The following LMX1B variants were observed in gnomAD, a reference collection of about 807,000 sequenced individuals.
LMX1B encodes the protein LIM homeobox transcription factor 1-beta.
In LMX1B, 12 loss-of-function variants were observed where a neutral mutation model predicts 51.4. The observed-to-expected ratio is 0.23, with a 90% CI of 0.15 to 0.38. LMX1B has a LOEUF of 0.38. Among genes scored for constraint, LMX1B ranks in the 10% least tolerant of loss-of-function variants. The probability of loss-of-function intolerance (pLI) is 1.00; values close to 1 mark genes in which losing one functional copy is unlikely to be tolerated. For synonymous variants in LMX1B, 237 were observed against 235.4 expected (o/e 1.01, Z -0.06); for missense variants, 445 against 571.1 (o/e 0.78, Z 2.25).
At chr9:126,682,095 T>TTTTTTTTTTTTC (rs1836687026) in intron 2 of LMX1B, among the ~76,000 whole-genome samples, 1 of 139,040 alleles carries the variant, frequency 7.2e-6, no homozygotes, top group Admixed American at 7.2e-5. Context: ...TTTTTTTTTT[T>TTTTTTTTTTTTC]TTTTTTTTTT....
rs1377719545 is a variant in LMX1B, at chr9:126,615,436, G to A, written c.193G>A (p.Asp65Asn). ...CGAGGGCTGCCAGCGGCCCATCTCC[G>A]ACCGCTTCCTGATGCGAGTCAACGA... ...VCEGCQRPIS[D>N]RFLMRVNESS... The change falls in exon 2 of 8, where the codon GAC (aspartate) becomes AAC (asparagine). Residue 65 changes from aspartate (D) to asparagine (N), a missense_variant. Physicochemically the swap from Asp to Asn is conservative, Grantham distance 23 (BLOSUM62 1). Transcript: ENST00000373474. This position sits in a 1 kb window ranked among gnomAD's most constrained non-coding sequence, Gnocchi z 6.0. 6.2e-7 allele frequency: 1 copy of A among 1,608,870 alleles called. No individual in the cohort carries two copies. The highest frequency in any genetic ancestry group is 8.5e-7 in the Non-Finnish European group (1 of 1,177,948).
Position 126,690,845 on chromosome 9 carries a change from G to T in LMX1B, c.336G>T (p.Ala112=), listed in dbSNP as rs144043214. 8.7e-6 allele frequency: 14 copies of T among 1,610,316 alleles called. No individual in the cohort carries two copies. Among genetic ancestry groups the T allele is most frequent in the Non-Finnish European group, 1.2e-5 (14 of 1,179,242 alleles). ...YCKQDYQQLF[A]AKCSGCMEKI... The stretch of plus-strand genomic sequence containing the variant: ...CTTTGTGCATCCGCAGGCTCTTCGC[G>T]GCCAAGTGCAGCGGCTGCATGGAGA... Residue 112 remains alanine (A), a synonymous_variant, in exon 3 of 8, where the codon GCG becomes GCT. Coordinates refer to ENST00000373474, the MANE Select transcript of LMX1B (RefSeq NM_001174147.2).
chr9:126,650,599 G>A (rs964892155), intron 2 of LMX1B, among the ~76,000 whole-genome samples: 5 of 152,232 alleles, frequency 3.3e-5, no homozygotes, highest in African/African-American at 1.2e-4. Context: ...GGAGGGCAGC[G>A]GGAAAGCCCC....
At chr9:126,693,483 G>T (rs1322783192) in intron 4 of LMX1B, 41 bp from the exon 5 acceptor site, 1 of 1,605,044 alleles carries the variant, frequency 6.2e-7, no homozygotes, top group East Asian at 2.2e-5. Flanking sequence ...CCCCGTTGCT[G>T]CCCCTGGAGG....
chr9:126,682,083 C>CTTTTTTTTTT (rs71377953), intron 2 of LMX1B, among the ~76,000 whole-genome samples: 7 of 53,372 alleles, frequency 1.3e-4, no homozygotes, highest in African/African-American at 2.6e-4. Flanking sequence ...TCCCCAGGGT[C>CTTTTTTTTTT]TTTTTTTTTT....
chr9:126,669,246 A>C (rs972982789), intron 2 of LMX1B, among the ~76,000 whole-genome samples: 11 of 144,088 alleles, frequency 7.6e-5, no homozygotes, highest in Non-Finnish European at 1.5e-4. Flanking sequence ...GGCCGCGAGG[A>C]GGGTGGAGAC....
At chr9:126,693,928 G>A in intron 6 of LMX1B, 116 bp downstream of exon 6, 2 of 634,884 alleles carry the variant, frequency 3.2e-6, no homozygotes, top group Non-Finnish European at 5.6e-6. Context: ...CTGGGCCAGG[G>A]CTGGGACCGG....
At chr9:126,642,445 C>G (rs886593902) in intron 2 of LMX1B, among the ~76,000 whole-genome samples, 1 of 152,196 alleles carries the variant, frequency 6.6e-6, no homozygotes, top group Non-Finnish European at 1.5e-5. Context: ...TCCCACTTCC[C>G]CTGTCTACAC....
intron 2 of LMX1B, among the ~76,000 whole-genome samples, chr9:126,628,444 G>C (rs1386199137): frequency 6.6e-6 from 1 of 152,204 alleles, no homozygotes; most frequent in Non-Finnish European, 1.5e-5. Context: ...ATTCGGAAAA[G>C]GTCCCCAAAT....
At chr9:126,675,733 A>AT (rs1384229492) in intron 2 of LMX1B, among the ~76,000 whole-genome samples, 3 of 134,312 alleles carry the variant, frequency 2.2e-5, no homozygotes, top group Non-Finnish European at 3.1e-5. Flanking sequence ...CAAAAAAAAA[A>AT]TTAAAAAAAA....
chr9:126,637,104 G>A (rs1381431373), intron 2 of LMX1B, among the ~76,000 whole-genome samples: 1 of 152,244 alleles, frequency 6.6e-6, no homozygotes, highest in Non-Finnish European at 1.5e-5. Flanking sequence ...ATCAGTCAGG[G>A]AGTTATCGCT....
chr9:126,639,391 G>A (rs916730863), intron 2 of LMX1B, among the ~76,000 whole-genome samples: 4 of 152,190 alleles, frequency 2.6e-5, no homozygotes, highest in South Asian at 2.1e-4. Context: ...TTCTCCAGGG[G>A]CCTCGAACAA....
intron 2 of LMX1B, among the ~76,000 whole-genome samples, chr9:126,621,596 C>T (rs1835410012): frequency 6.7e-6 from 1 of 150,124 alleles, no homozygotes; most frequent in Non-Finnish European, 1.5e-5. Context: ...CATTTGATGC[C>T]AAAAGCAACA....
Position 126,614,309 on chromosome 9 carries a change from A to C in LMX1B, c.-141A>C. On this transcript the variant is annotated 5_prime_UTR_variant, in exon 1 of 8. Coordinates refer to ENST00000373474, the MANE Select transcript of LMX1B (RefSeq NM_001174147.2). ...CCCGGGGCCAGCGCGTCGCCGCTCCACGATCGCCGGGGGCCGGCGCAACCC... is the reference window on the plus strand; with the variant it reads ...CCCGGGGCCAGCGCGTCGCCGCTCCCCGATCGCCGGGGGCCGGCGCAACCC... 12 of 375,128 alleles carry C rather than the reference A, an allele frequency of 3.2e-5. No individual in the cohort carries two copies. Among genetic ancestry groups the C allele is most frequent in the Non-Finnish European group, 4.0e-5 (11 of 275,640 alleles). The allele number at this position is 375,128 out of a possible 1,614,324, so 23.2% of individuals were successfully genotyped here.
In LMX1B at chr9:126,625,327, C is replaced by G. The variant is rs1448707559; in HGVS notation, c.326+9758C>G. On this transcript the variant is annotated intron_variant, in intron 2 of 7. Coordinates refer to ENST00000373474, the MANE Select transcript of LMX1B (RefSeq NM_001174147.2). This position sits in a 1 kb window ranked among gnomAD's most constrained non-coding sequence, Gnocchi z 5.3. The stretch of plus-strand genomic sequence containing the variant: ...ATTGGCAGCGTCTGGAAAATGGGGA[C>G]AGTGACCCCACGACTAGAGGATGAA... Among the ~76,000 whole-genome samples, 1 of 152,146 alleles carries G rather than the reference C, an allele frequency of 6.6e-6. No individual in the cohort carries two copies. The highest frequency in any genetic ancestry group is 1.5e-5 in the Non-Finnish European group (1 of 68,032).
intron 2 of LMX1B, among the ~76,000 whole-genome samples, chr9:126,636,349 C>T (rs1490129173): frequency 6.6e-6 from 1 of 152,000 alleles, no homozygotes; most frequent in African/African-American, 2.4e-5. Context: ...AAGCTGAGAG[C>T]AGAGGAATTA....
Position 126,667,242 on chromosome 9 carries a change from A to G in LMX1B, c.327-23594A>G, listed in dbSNP as rs546594348. 2.6e-5 allele frequency among the ~76,000 whole-genome samples: 4 copies of G among 152,268 alleles called. No individual in the cohort carries two copies. In the East Asian group the frequency reaches 7.7e-4, roughly 29 times the overall value. ...ATTTCCTCTAACTGCTCTGCTCTGTACTGGCTTGTCCCACTTAGCAACACG... is the reference window on the plus strand; with the variant it reads ...ATTTCCTCTAACTGCTCTGCTCTGTGCTGGCTTGTCCCACTTAGCAACACG... On this transcript the variant is annotated intron_variant, in intron 2 of 7. Transcript: ENST00000373474.
chr9:126,617,583 C>A (rs182939878), intron 2 of LMX1B, among the ~76,000 whole-genome samples: 145 of 151,890 alleles, frequency 9.5e-4, no homozygotes, highest in African/African-American at 3.3e-3. Flanking sequence ...TAGAGATGAG[C>A]GGCTCACCCC....
intron 6 of LMX1B, among the ~76,000 whole-genome samples, chr9:126,694,768 C>T (rs2030266393): frequency 1.3e-5 from 2 of 152,282 alleles, no homozygotes; most frequent in South Asian, 4.1e-4. Flanking sequence ...CCCCCTCTGC[C>T]CCTCCTGGGG....
Sources: gnomAD v4.1 joint callset for allele counts (sites outside exome capture counted in the v4.1 genomes callset) on GRCh38, gnomAD v4.1.1 for gene constraint, Gnocchi (gnomAD v3.1) non-coding constraint, MANE v1.5 for transcripts, NCBI Gene and HGNC (gene_info 2026-07-23, HGNC 2026-07-21) for gene names.